NAALADL2: variants seen among roughly 807,000 people sequenced by gnomAD.
NAALADL2 encodes the protein inactive N-acetylated-alpha-linked acidic dipeptidase-like protein 2.
Under a neutral mutation model 87.2 loss-of-function variants are expected in NAALADL2, and 76 were observed. The ratio of observed to expected loss-of-function variants is 0.87; its 90% CI spans 0.72 to 1.05. The LOEUF is 1.05. Ranked by LOEUF, NAALADL2 falls within the 50% of genes least tolerant of loss-of-function variation. The pLI, the probability that NAALADL2 is intolerant of heterozygous loss-of-function variation, is 0.00. For missense variants in NAALADL2, 1,089 were observed against 945.8 expected (o/e 1.15, Z -1.99); for synonymous variants, 354 against 331.0 (o/e 1.07, Z -0.75).
intron 4 of NAALADL2, among the ~76,000 whole-genome samples, chr3:175,291,171 A>G (rs570215514): frequency 1.8e-4 from 28 of 152,280 alleles, no homozygotes; most frequent in African/African-American, 5.8e-4. Flanking sequence ...AGTAAAAAAT[A>G]AATTCACATA....
At chr3:174,719,691 T>C (rs1342908207) in intron 2 of NAALADL2, among the ~76,000 whole-genome samples, 1 of 152,210 alleles carries the variant, frequency 6.6e-6, no homozygotes, top group Non-Finnish European at 1.5e-5. Context: ...AAAGAAGCAA[T>C]ATCCTCTGGA....
intron 1 of NAALADL2, among the ~76,000 whole-genome samples, chr3:174,477,169 GT>G (rs900432478): frequency 1.6e-4 from 25 of 151,974 alleles, no homozygotes; most frequent in African/African-American, 5.8e-4. Context: ...GTTTTGAAAT[GT>G]GCATAAAATC....
intron 11 of NAALADL2, among the ~76,000 whole-genome samples, chr3:175,730,467 C>T (rs760718876): frequency 6.2e-4 from 85 of 137,206 alleles, no homozygotes; most frequent in Non-Finnish European, 1.1e-3. Flanking sequence ...CGCACACACA[C>T]ACGTGTGTGT....
At chr3:175,685,229 C>T (rs79408338) in intron 11 of NAALADL2, among the ~76,000 whole-genome samples, 2,474 of 152,282 alleles carry the variant, frequency 0.016, 77 homozygotes, top group African/African-American at 0.057. Flanking sequence ...TGCCCACCTC[C>T]ATCTATGCAG....
chr3:175,523,573 C>T (rs577501715), intron 9 of NAALADL2, among the ~76,000 whole-genome samples: 2 of 152,324 alleles, frequency 1.3e-5, no homozygotes, highest in South Asian at 4.1e-4. Context: ...TAATCCTCCG[C>T]ACGGCAAGTT....
chr3:175,282,806 C>A (rs186587337), intron 4 of NAALADL2, among the ~76,000 whole-genome samples: 13 of 152,018 alleles, frequency 8.6e-5, no homozygotes, highest in Non-Finnish European at 1.8e-4. Context: ...TCTCCATGTC[C>A]TTGGGTTTTA....
At chr3:175,045,135 A>G (rs1178012850) in intron 1 of NAALADL2, among the ~76,000 whole-genome samples, 1 of 151,972 alleles carries the variant, frequency 6.6e-6, no homozygotes, top group Non-Finnish European at 1.5e-5. Context: ...TTTTGTGGAA[A>G]ATCTGTTTTT....
intron 11 of NAALADL2, among the ~76,000 whole-genome samples, chr3:175,700,847 A>T (rs1738892849): frequency 6.6e-6 from 1 of 152,086 alleles, no homozygotes; most frequent in Non-Finnish European, 1.5e-5. Context: ...CATGGAAAAA[A>T]ATCCCATCAG....
intron 4 of NAALADL2, among the ~76,000 whole-genome samples, chr3:175,301,316 C>A (rs887314375): frequency 6.6e-6 from 1 of 152,110 alleles, no homozygotes; most frequent in South Asian, 2.1e-4. Context: ...AGGAGAAATA[C>A]CTAACGTAGA....
intron 2 of NAALADL2, among the ~76,000 whole-genome samples, chr3:175,230,410 C>A (rs1436167057): frequency 1.3e-5 from 2 of 151,694 alleles, no homozygotes; most frequent in Non-Finnish European, 2.9e-5. Context: ...CACATATGAC[C>A]TAAAAAAGAT....
At chr3:175,102,642 C>A (rs913297593) in intron 2 of NAALADL2, among the ~76,000 whole-genome samples, 3 of 152,064 alleles carry the variant, frequency 2.0e-5, no homozygotes, top group African/African-American at 7.2e-5. Context: ...AAAATACAAT[C>A]TCTAGAGATG....
intron 3 of NAALADL2, among the ~76,000 whole-genome samples, chr3:174,796,092 G>A (rs1718049304): frequency 6.6e-6 from 1 of 152,096 alleles, no homozygotes; most frequent in African/African-American, 2.4e-5. Context: ...TATGACTGTT[G>A]TTCATAGTAG....
intron 3 of NAALADL2, among the ~76,000 whole-genome samples, chr3:174,806,364 A>G (rs1332715515): frequency 2.0e-5 from 3 of 152,190 alleles, no homozygotes; most frequent in Non-Finnish European, 4.4e-5. Flanking sequence ...CAAGAAGGCC[A>G]GGTCTTTTTA....
At chr3:174,462,790 G>A (rs1315973427) in intron 1 of NAALADL2, among the ~76,000 whole-genome samples, 2 of 152,154 alleles carry the variant, frequency 1.3e-5, no homozygotes, top group Non-Finnish European at 2.9e-5. Context: ...ATAAGAGTTA[G>A]AATTGGGAAG....
chr3:174,469,155 T>G (rs1333671175), intron 1 of NAALADL2, among the ~76,000 whole-genome samples: 1 of 152,212 alleles, frequency 6.6e-6, no homozygotes, highest in Non-Finnish European at 1.5e-5. Context: ...TGGCTATCCT[T>G]CATAGGATAT....
chr3:174,831,502 C>T (rs1228627764), intron 3 of NAALADL2, among the ~76,000 whole-genome samples: 74 of 143,900 alleles, frequency 5.1e-4, no homozygotes, highest in African/African-American at 1.5e-3. Flanking sequence ...CTGCTGGATT[C>T]GTTTTGCCAG....
At chr3:174,443,590 G>A (rs755334524) in intron 1 of NAALADL2, among the ~76,000 whole-genome samples, 5 of 152,154 alleles carry the variant, frequency 3.3e-5, no homozygotes, top group Admixed American at 6.6e-5. Flanking sequence ...CATACATTTA[G>A]GACTCTTCAT....
intron 5 of NAALADL2, among the ~76,000 whole-genome samples, chr3:175,380,342 T>C (rs1012936431): frequency 1.3e-5 from 2 of 152,196 alleles, no homozygotes; most frequent in East Asian, 3.9e-4. Flanking sequence ...GTTTGTTATA[T>C]GTATTTTTCT....
At chr3:175,695,762 C>T (rs1251671586) in intron 11 of NAALADL2, among the ~76,000 whole-genome samples, 2 of 151,998 alleles carry the variant, frequency 1.3e-5, no homozygotes, top group Non-Finnish European at 2.9e-5. Context: ...GGAGAATATC[C>T]TCTGAGGAAT....
Sources: gnomAD v4.1 joint callset for allele counts (sites outside exome capture counted in the v4.1 genomes callset) on GRCh38, gnomAD v4.1.1 for gene constraint, MANE v1.5 for transcripts, NCBI Gene and HGNC (gene_info 2026-07-23, HGNC 2026-07-21) for gene names.